Variants in GNAQ observed in about 807,000 individuals in gnomAD.
GNAQ encodes the protein G protein subunit alpha q.
GNAQ carries 8 observed loss-of-function variants against 43.9 expected under a neutral mutation model. The ratio of observed to expected loss-of-function variants is 0.18; its 90% CI spans 0.11 to 0.33. The LOEUF is 0.33. GNAQ is among the 10% of genes least tolerant of loss of function. The pLI is 1.00. For missense variants in GNAQ, 158 were observed against 450.8 expected (o/e 0.35, Z 5.88); for synonymous variants, 155 against 170.7 (o/e 0.91, Z 0.71).
intron 1 of GNAQ, among the ~76,000 whole-genome samples, chr9:78,028,166 C>G (rs1483768082): frequency 6.6e-6 from 1 of 151,990 alleles, no homozygotes; most frequent in African/African-American, 2.4e-5. Context: ...ACATAGAATA[C>G]AAAGAGTAAG....
intron 6 of GNAQ, among the ~76,000 whole-genome samples, chr9:77,723,125 A>G (rs1320448877): frequency 5.9e-5 from 9 of 152,274 alleles, no homozygotes; most frequent in African/African-American, 2.2e-4. Context: ...AAGAAGATAT[A>G]CAAATGGTCA....
chr9:77,913,049 G>GTGGA (rs1263591324), intron 2 of GNAQ, among the ~76,000 whole-genome samples: 1 of 152,154 alleles, frequency 6.6e-6, no homozygotes, highest in Non-Finnish European at 1.5e-5. Flanking sequence ...TGTCAAGGAT[G>GTGGA]TGGAGCAACT....
intron 2 of GNAQ, among the ~76,000 whole-genome samples, chr9:77,848,833 A>G (rs540552183): frequency 8.5e-5 from 13 of 152,360 alleles, no homozygotes; most frequent in East Asian, 7.7e-4. Context: ...GTTGGGGAAA[A>G]AGGAAAAGGA....
intron 5 of GNAQ, among the ~76,000 whole-genome samples, chr9:77,735,114 G>T (rs149271043): frequency 6.6e-6 from 1 of 152,040 alleles, no homozygotes; most frequent in Non-Finnish European, 1.5e-5. Context: ...TCAGAATATA[G>T]GAATTTTATG....
At chr9:77,939,796 G>C (rs1413646514) in intron 1 of GNAQ, among the ~76,000 whole-genome samples, 1 of 152,046 alleles carries the variant, frequency 6.6e-6, no homozygotes, top group Non-Finnish European at 1.5e-5. Flanking sequence ...TAATATGTTG[G>C]GTGTTTTGAA....
At chr9:77,851,858 G>C (rs986409327) in intron 2 of GNAQ, among the ~76,000 whole-genome samples, 12 of 152,130 alleles carry the variant, frequency 7.9e-5, no homozygotes, top group African/African-American at 2.9e-4. Context: ...CAACTGAGCT[G>C]GCACCACTCC....
intron 1 of GNAQ, among the ~76,000 whole-genome samples, chr9:77,992,679 C>T (rs1034925573): frequency 6.6e-6 from 1 of 152,180 alleles, no homozygotes; most frequent in Non-Finnish European, 1.5e-5. Context: ...CATGGTGGCT[C>T]ATGCCTGTAA....
intron 1 of GNAQ, among the ~76,000 whole-genome samples, chr9:77,971,664 G>T (rs1281833519): frequency 2.0e-5 from 3 of 152,142 alleles, no homozygotes; most frequent in Admixed American, 2.0e-4. Flanking sequence ...CAGACACACC[G>T]CCAATATCAT....
At chr9:77,863,510 TG>T (rs1272588412) in intron 2 of GNAQ, among the ~76,000 whole-genome samples, 2 of 152,202 alleles carry the variant, frequency 1.3e-5, no homozygotes, top group African/African-American at 4.8e-5. Flanking sequence ...TACATTTTCC[TG>T]TCTAATTCTG....
chr9:77,939,323 T>C (rs1829281319), intron 1 of GNAQ, among the ~76,000 whole-genome samples: 1 of 152,182 alleles, frequency 6.6e-6, no homozygotes, highest in Non-Finnish European at 1.5e-5. Flanking sequence ...TACGCATGAG[T>C]CATGTGCCTT....
chr9:77,917,289 T>C (rs1358455123), intron 2 of GNAQ, among the ~76,000 whole-genome samples: 4 of 152,220 alleles, frequency 2.6e-5, no homozygotes, highest in South Asian at 2.1e-4. Context: ...TTATATCCTT[T>C]CCTTTTTAAT....
intron 2 of GNAQ, among the ~76,000 whole-genome samples, chr9:77,841,316 A>G (rs1318612549): frequency 6.6e-6 from 1 of 152,220 alleles, no homozygotes; most frequent in Non-Finnish European, 1.5e-5. Context: ...TAAATAAACA[A>G]TTATCCAGCA....
chr9:77,720,984 T>C lies in GNAQ; in HGVS notation c.*339A>G. On this transcript the variant is annotated 3_prime_UTR_variant, in exon 7 of 7. Coordinates refer to ENST00000286548, the MANE Select transcript of GNAQ (RefSeq NM_002072.5). Reference sequence around the variant, plus strand: ...AAAAGGGAAATCAGCTTTGTTTTGCTCCATAGAAAAGAAAAAGAGAGAGAG... The same window carrying C: ...AAAAGGGAAATCAGCTTTGTTTTGCCCCATAGAAAAGAAAAAGAGAGAGAG... 3.9e-6 allele frequency: 1 copy of C among 259,044 alleles called. No individual in the cohort carries two copies. The highest frequency in any genetic ancestry group is 7.4e-6 in the Non-Finnish European group (1 of 135,820). The allele number at this position is 259,044 out of a possible 1,614,324, so 16.0% of individuals were successfully genotyped here. A position where few individuals can be genotyped will look rare whatever the true frequency, so the allele number is the denominator to read the frequency against.
rs1825275389 is a variant in GNAQ at position 77,719,404 on chromosome 9, T to C, written c.*1919A>G. 1 of 232,592 alleles carries C rather than the reference T, an allele frequency of 4.3e-6. No individual in the cohort carries two copies. Among genetic ancestry groups the C allele is most frequent in the African/African-American group, 2.2e-5 (1 of 45,312 alleles). The allele number at this position is 232,592 out of a possible 1,614,324, so 14.4% of individuals were successfully genotyped here. On this transcript the variant is annotated 3_prime_UTR_variant, in exon 7 of 7. Coordinates refer to ENST00000286548, the MANE Select transcript of GNAQ (RefSeq NM_002072.5). ...TGCACTATACCTACAGGCAGTCTGTTTGTTAAATTACAGGTACTTTCTGAG... is the reference window on the plus strand; with the variant it reads ...TGCACTATACCTACAGGCAGTCTGTCTGTTAAATTACAGGTACTTTCTGAG...
intron 1 of GNAQ, among the ~76,000 whole-genome samples, chr9:77,958,222 T>C (rs1173232652): frequency 6.6e-6 from 1 of 152,176 alleles, no homozygotes; most frequent in Admixed American, 6.5e-5. Flanking sequence ...CTATTTTTCA[T>C]TATTTCTCAA....
intron 1 of GNAQ, among the ~76,000 whole-genome samples, chr9:77,957,371 AACAAAAAC>A (rs1289927502): frequency 4.6e-5 from 7 of 150,550 alleles, no homozygotes; most frequent in Admixed American, 1.3e-4. Context: ...AAAACAAAAA[AACAAAAAC>A]AAAAACAAAA....
intron 3 of GNAQ, among the ~76,000 whole-genome samples, chr9:77,810,864 G>C (rs1826910381): frequency 1.3e-5 from 2 of 152,224 alleles, no homozygotes; most frequent in South Asian, 4.1e-4. Context: ...TAAGATAGAA[G>C]ACATAGTGAC....
intron 2 of GNAQ, among the ~76,000 whole-genome samples, chr9:77,899,379 G>A (rs1828557050): frequency 6.6e-6 from 1 of 152,074 alleles, no homozygotes; most frequent in Non-Finnish European, 1.5e-5. Context: ...CTACAGGCAT[G>A]AGCTACTGTG....
chr9:77,780,582 G>A (rs1424858815), intron 5 of GNAQ, among the ~76,000 whole-genome samples: 1 of 151,942 alleles, frequency 6.6e-6, no homozygotes, highest in African/African-American at 2.4e-5. Flanking sequence ...TGGGGGTGCA[G>A]ATCTCTCTGA....
Sources: gnomAD v4.1 joint callset for allele counts (sites outside exome capture counted in the v4.1 genomes callset) on GRCh38, gnomAD v4.1.1 for gene constraint, MANE v1.5 for transcripts, NCBI Gene and HGNC (gene_info 2026-07-23, HGNC 2026-07-21) for gene names.